The following CERS6 variants were observed in gnomAD, a reference collection of about 807,000 sequenced individuals.
CERS6 encodes LAG1 homolog, ceramide synthase 6.
In CERS6, 26 loss-of-function variants were observed where a neutral mutation model predicts 56.8. The observed-to-expected ratio is 0.46, with a 90% CI of 0.34 to 0.63. The LOEUF is 0.63. CERS6 is among the 30% of genes least tolerant of loss of function. The pLI is 0.01. For synonymous variants in CERS6, 164 were observed against 173.3 expected, an observed-to-expected ratio of 0.95 and a Z score of 0.42; for missense variants, 415 against 467.5, an observed-to-expected ratio of 0.89 and a Z score of 1.04.
At chr2:168,603,397 A>G (rs891785295) in intron 3 of CERS6, among the ~76,000 whole-genome samples, 5 of 152,228 alleles carry the variant, frequency 3.3e-5, no homozygotes, top group African/African-American at 1.2e-4. Flanking sequence ...TTTATGGGAA[A>G]TAACTACAGA....
chr2:168,485,134 A>T (rs558821684), intron 1 of CERS6, among the ~76,000 whole-genome samples: 1 of 151,884 alleles, frequency 6.6e-6, no homozygotes, highest in Non-Finnish European at 1.5e-5. Flanking sequence ...CTTAAGTAAG[A>T]TACAAAAACA....
chr2:168,667,425 A>G (rs1441467113), intron 4 of CERS6, among the ~76,000 whole-genome samples: 8 of 151,668 alleles, frequency 5.3e-5, no homozygotes, highest in Non-Finnish European at 8.8e-5. Context: ...TCCATGTCAC[A>G]CTCTCCTGCC....
chr2:168,664,774 C>A (rs1338707386), intron 4 of CERS6, among the ~76,000 whole-genome samples: 1 of 152,174 alleles, frequency 6.6e-6, no homozygotes, highest in Non-Finnish European at 1.5e-5. Context: ...ACTGTTTTAT[C>A]AGCAACGTCT....
intron 8 of CERS6, among the ~76,000 whole-genome samples, chr2:168,720,088 G>A (rs936837030): frequency 2.7e-5 from 4 of 150,560 alleles, no homozygotes; most frequent in Admixed American, 6.6e-5. Flanking sequence ...CACCAGGACC[G>A]GTCTAATTTT....
chr2:168,526,702 T>C (rs1695078011), intron 1 of CERS6, among the ~76,000 whole-genome samples: 1 of 152,246 alleles, frequency 6.6e-6, no homozygotes, highest in African/African-American at 2.4e-5. Context: ...TTTTATACAA[T>C]GAGGCTTCTT....
At chr2:168,714,052 C>T (rs541956493) in intron 6 of CERS6, among the ~76,000 whole-genome samples, 13 of 152,240 alleles carry the variant, frequency 8.5e-5, no homozygotes, top group African/African-American at 3.1e-4. Flanking sequence ...AAGGCTCTGG[C>T]AGATTTGGTA....
chr2:168,598,409 T>C (rs1420207432), intron 3 of CERS6, among the ~76,000 whole-genome samples: 1 of 152,160 alleles, frequency 6.6e-6, no homozygotes, highest in Non-Finnish European at 1.5e-5. Context: ...TTTTTTTCTT[T>C]TCCACATCTA....
At chr2:168,620,360 A>G (rs1021830821) in intron 3 of CERS6, among the ~76,000 whole-genome samples, 4 of 152,042 alleles carry the variant, frequency 2.6e-5, no homozygotes, top group South Asian at 4.1e-4. Flanking sequence ...AAGTCTCACA[A>G]ATTACCACTA....
At chr2:168,614,028 T>G (rs544896779) in intron 3 of CERS6, among the ~76,000 whole-genome samples, 14 of 152,346 alleles carry the variant, frequency 9.2e-5, no homozygotes, top group African/African-American at 3.4e-4. Context: ...TATTTTCTTA[T>G]GCAGGAGTGC....
intron 8 of CERS6, among the ~76,000 whole-genome samples, chr2:168,720,472 A>G (rs1201071768): frequency 3.3e-5 from 5 of 152,134 alleles, no homozygotes; most frequent in Non-Finnish European, 5.9e-5. Context: ...GGGTCTGAGT[A>G]TCTTGATTGA....
At chr2:168,726,660 C>G (rs986228174) in intron 8 of CERS6, among the ~76,000 whole-genome samples, 1 of 152,186 alleles carries the variant, frequency 6.6e-6, no homozygotes, top group African/African-American at 2.4e-5. Context: ...GGTAAATACT[C>G]TACCTACCTT....
At chr2:168,542,547 T>A (rs1040039892) in intron 1 of CERS6, among the ~76,000 whole-genome samples, 1 of 152,262 alleles carries the variant, frequency 6.6e-6, no homozygotes, top group Non-Finnish European at 1.5e-5. Flanking sequence ...TTGAAAGGAC[T>A]GAAAGCCTCT....
intron 8 of CERS6, among the ~76,000 whole-genome samples, chr2:168,753,285 C>T (rs1367229402): frequency 6.6e-6 from 1 of 152,132 alleles, no homozygotes; most frequent in Non-Finnish European, 1.5e-5. Context: ...GCACAGCCAT[C>T]GTATTCTATA....
At chr2:168,594,864 T>C (rs114010784) in intron 3 of CERS6, among the ~76,000 whole-genome samples, 2,094 of 152,282 alleles carry the variant, frequency 0.014, 41 homozygotes, top group South Asian at 0.046. Flanking sequence ...TCATGTATCT[T>C]AATGTTTGTT....
intron 8 of CERS6, among the ~76,000 whole-genome samples, chr2:168,761,413 G>A (rs1574227692): frequency 2.0e-5 from 3 of 152,276 alleles, no homozygotes; most frequent in East Asian, 1.9e-4. Context: ...TCACAATGGC[G>A]AGAAAGCTTC....
At chr2:168,745,746 G>A (rs1684079755) in intron 8 of CERS6, among the ~76,000 whole-genome samples, 1 of 152,156 alleles carries the variant, frequency 6.6e-6, no homozygotes, top group South Asian at 2.1e-4. Flanking sequence ...CAGAAGTCTG[G>A]GTTCAGTGTA....
intron 4 of CERS6, among the ~76,000 whole-genome samples, chr2:168,677,386 T>C (rs1021053958): frequency 1.3e-5 from 2 of 152,226 alleles, no homozygotes; most frequent in Non-Finnish European, 2.9e-5. Context: ...CCATGGTCTA[T>C]ATGTGCCACA....
chr2:168,511,157 A>G (rs1407645908), intron 1 of CERS6, among the ~76,000 whole-genome samples: 2 of 152,174 alleles, frequency 1.3e-5, no homozygotes, highest in African/African-American at 4.8e-5. Flanking sequence ...CATCTTCTTA[A>G]GTCTCCATTT....
chr2:168,663,734 G>A (rs189728348), intron 4 of CERS6, among the ~76,000 whole-genome samples: 2 of 151,930 alleles, frequency 1.3e-5, no homozygotes, highest in South Asian at 2.1e-4. Context: ...TAGATCCACC[G>A]TAGGTATTCT....
Sources: allele counts gnomAD v4.1 joint callset (sites outside exome capture counted in the v4.1 genomes callset), GRCh38; gene constraint gnomAD v4.1.1; transcripts MANE v1.5; gene names NCBI Gene and HGNC (gene_info 2026-07-23, HGNC 2026-07-21).